Variants in DTNA observed in about 807,000 individuals in gnomAD.
The protein encoded by DTNA is dystrophin-related protein 3.
A neutral mutation model predicts 100.7 loss-of-function variants in DTNA; 43 were observed. The observed-to-expected ratio is 0.43, with a 90% CI of 0.33 to 0.55. The LOEUF (loss-of-function observed/expected upper bound fraction) is 0.55. Among genes scored for constraint, DTNA ranks in the 20% least tolerant of loss-of-function variants. DTNA has a pLI of 0.04. For synonymous variants in DTNA, 349 were observed against 347.9 expected (o/e 1.00, Z -0.04); for missense variants, 798 against 953.9 (o/e 0.84, Z 2.15).
chr18:34,590,959 A>G (rs2049657536), intron 1 of DTNA, among the ~76,000 whole-genome samples: 1 of 152,196 alleles, frequency 6.6e-6, no homozygotes, highest in Non-Finnish European at 1.5e-5. Context: ...TAAGACTGGC[A>G]CAAATGGAAA....
At position 34,816,027 on chromosome 18, in the gene DTNA, T is replaced by G; in HGVS notation, c.709+13T>G. The stretch of plus-strand genomic sequence containing the variant: ...AATGTGGAAAATGGTGAGTAGTTAC[T>G]AAGGAGCAAAGGTGATTTTTTAAAT... On this transcript the variant is annotated intron_variant, in intron 7 of 22. Coordinates refer to ENST00000444659, the MANE Select transcript of DTNA (RefSeq NM_001386795.1). 1 of 1,609,192 alleles carries G rather than the reference T, an allele frequency of 6.2e-7. No homozygotes were observed. The highest frequency in any genetic ancestry group is 8.5e-7 in the Non-Finnish European group (1 of 1,175,532).
At chr18:34,495,859 C>T (rs1423707283) in intron 1 of DTNA, among the ~76,000 whole-genome samples, 1 of 152,166 alleles carries the variant, frequency 6.6e-6, no homozygotes, top group Non-Finnish European at 1.5e-5. Context: ...TAGAGAATTA[C>T]TCTCACATAT....
intron 1 of DTNA, among the ~76,000 whole-genome samples, chr18:34,561,757 G>A (rs1478315098): frequency 4.6e-5 from 7 of 152,154 alleles, no homozygotes; most frequent in Admixed American, 1.3e-4. Context: ...TGCTTACTAC[G>A]TTAGAGAAAA....
intron 3 of DTNA, among the ~76,000 whole-genome samples, chr18:34,767,038 A>G (rs545105064): frequency 5.6e-4 from 85 of 152,294 alleles, no homozygotes; most frequent in African/African-American, 1.9e-3. Flanking sequence ...TCTTGGAAAA[A>G]AATATTGATT....
intron 16 of DTNA, among the ~76,000 whole-genome samples, chr18:34,863,228 T>C (rs190508838): frequency 6.6e-6 from 1 of 152,354 alleles, no homozygotes; most frequent in African/African-American, 2.4e-5. Context: ...TAAAGATCTT[T>C]TTGGTACCTC....
chr18:34,688,846 C>A (rs1426298586), intron 1 of DTNA, among the ~76,000 whole-genome samples: 1 of 152,058 alleles, frequency 6.6e-6, no homozygotes, highest in Non-Finnish European at 1.5e-5. Context: ...TGTTCCTTTT[C>A]ATTCTTTTTT....
intron 13 of DTNA, among the ~76,000 whole-genome samples, chr18:34,846,785 C>G (rs763882130): frequency 2.0e-5 from 3 of 152,104 alleles, no homozygotes; most frequent in Non-Finnish European, 2.9e-5. Context: ...CACTTCAGAA[C>G]AAAGGTTAAA....
At chr18:34,723,756 G>A (rs865783602) in intron 1 of DTNA, among the ~76,000 whole-genome samples, 17 of 152,030 alleles carry the variant, frequency 1.1e-4, no homozygotes, top group East Asian at 9.7e-4. Flanking sequence ...AAAATTAGCC[G>A]GGCGTGGTGA....
intron 1 of DTNA, among the ~76,000 whole-genome samples, chr18:34,691,101 C>T (rs944282910): frequency 6.6e-6 from 1 of 152,168 alleles, no homozygotes; most frequent in Non-Finnish European, 1.5e-5. Context: ...AATTTTAAAA[C>T]ACAGGAGCAA....
intron 17 of DTNA, among the ~76,000 whole-genome samples, chr18:34,872,521 C>T (rs2096775465): frequency 6.6e-6 from 1 of 152,178 alleles, no homozygotes; most frequent in Non-Finnish European, 1.5e-5. Context: ...GATATCGTAT[C>T]AGTTACCTCA....
chr18:34,663,919 T>C, intron 1 of DTNA, among the ~76,000 whole-genome samples: 1 of 152,220 alleles, frequency 6.6e-6, no homozygotes, highest in East Asian at 1.9e-4. Flanking sequence ...GACTATTTTG[T>C]CATAAAATCA....
chr18:34,611,542 A>G (rs1369075124), intron 1 of DTNA, among the ~76,000 whole-genome samples: 1 of 152,200 alleles, frequency 6.6e-6, no homozygotes, highest in East Asian at 1.9e-4. Context: ...TAACTGTGAA[A>G]AGTGGCACCC....
At chr18:34,632,188 C>T (rs981875295) in intron 1 of DTNA, among the ~76,000 whole-genome samples, 3 of 152,066 alleles carry the variant, frequency 2.0e-5, no homozygotes, top group Admixed American at 6.5e-5. Flanking sequence ...GCACCAGAAG[C>T]AGATTACAGG....
intron 1 of DTNA, among the ~76,000 whole-genome samples, chr18:34,530,933 CCT>C (rs779938562): frequency 6.6e-6 from 1 of 152,082 alleles, no homozygotes; most frequent in Admixed American, 6.6e-5. Flanking sequence ...TTCTTCTTCC[CCT>C]CTCTCCTCCT....
At chr18:34,882,305 C>A in intron 21 of DTNA, 104 bp downstream of exon 21, 2 of 1,474,482 alleles carry the variant, frequency 1.4e-6, no homozygotes, top group Non-Finnish European at 1.8e-6. Flanking sequence ...TCCTTCCACC[C>A]TCCCTTTTCA....
intron 11 of DTNA, among the ~76,000 whole-genome samples, chr18:34,832,161 A>G (rs547435532): frequency 5.1e-4 from 77 of 152,292 alleles, no homozygotes; most frequent in South Asian, 1.0e-3. Context: ...AATTTTTTCT[A>G]AGATTAATGC....
intron 1 of DTNA, among the ~76,000 whole-genome samples, chr18:34,698,105 G>A (rs2080841657): frequency 6.6e-6 from 1 of 152,076 alleles, no homozygotes; most frequent in Non-Finnish European, 1.5e-5. Context: ...GCTCTTGTTG[G>A]GTCTTGCCTC....
intron 1 of DTNA, among the ~76,000 whole-genome samples, chr18:34,619,318 G>A (rs1462635283): frequency 6.6e-6 from 1 of 152,064 alleles, no homozygotes; most frequent in Non-Finnish European, 1.5e-5. Context: ...ATTATGAACA[G>A]GCAATGGCAT....
chr18:34,757,308 A>G (rs2092842987), intron 2 of DTNA: 1 of 152,156 alleles, frequency 6.6e-6, no homozygotes, highest in Non-Finnish European at 1.5e-5. Context: ...TGTCCATCTA[A>G]ACAAAATCCA....
Sources: gnomAD v4.1 joint callset for allele counts (sites outside exome capture counted in the v4.1 genomes callset) on GRCh38, gnomAD v4.1.1 for gene constraint, MANE v1.5 for transcripts, NCBI Gene and HGNC (gene_info 2026-07-23, HGNC 2026-07-21) for gene names.